Variants in KSR2 observed in about 807,000 individuals in gnomAD.
KSR2 encodes the protein kinase suppressor of ras 2.
In KSR2, 25 loss-of-function variants were observed where a neutral mutation model predicts 107.8. The ratio of observed to expected loss-of-function variants is 0.23; its 90% CI spans 0.17 to 0.32. The LOEUF (loss-of-function observed/expected upper bound fraction) is 0.32. Among genes scored for constraint, KSR2 ranks in the 10% least tolerant of loss-of-function variants. The pLI, the probability that KSR2 is intolerant of heterozygous loss-of-function variation, is 1.00. For synonymous variants in KSR2, 480 were observed against 507.0 expected, an observed-to-expected ratio of 0.95 and a Z score of 0.71; for missense variants, 887 against 1,268.9, an observed-to-expected ratio of 0.70 and a Z score of 4.57.
chr12:117,680,926 T>C (rs1885338669), intron 4 of KSR2, among the ~76,000 whole-genome samples: 2 of 152,160 alleles, frequency 1.3e-5, no homozygotes, highest in African/African-American at 4.8e-5. Flanking sequence ...GCTTATATCC[T>C]GATGGGGGAA....
rs926218311 is a variant in KSR2 at position 117,968,876 on chromosome 12, G to A, written c.-621C>T. 4.3e-6 allele frequency: 1 copy of A among 234,598 alleles called. No homozygotes were observed. The highest frequency in any genetic ancestry group is 8.4e-6 in the Non-Finnish European group (1 of 118,590). 14.5% of individuals were successfully genotyped at this position (234,598 alleles called of 1,614,324 possible). On this transcript the variant is annotated 5_prime_UTR_variant, in exon 1 of 20. Transcript: ENST00000339824. Reference sequence around the variant, plus strand: ...GCTGCGGCGGCTACTGCGGCTGGCTGCTGTCTCCTCCCCGCGCTGCTGCTG... The same window carrying A: ...GCTGCGGCGGCTACTGCGGCTGGCTACTGTCTCCTCCCCGCGCTGCTGCTG...
intron 4 of KSR2, among the ~76,000 whole-genome samples, chr12:117,700,879 T>A (rs1886274547): frequency 6.6e-6 from 1 of 152,154 alleles, no homozygotes; most frequent in South Asian, 2.1e-4. Flanking sequence ...AATAAATGAT[T>A]CCAGATGGTA....
intron 5 of KSR2, among the ~76,000 whole-genome samples, chr12:117,586,990 T>C (rs1047067256): frequency 6.6e-6 from 1 of 152,054 alleles, no homozygotes; most frequent in African/African-American, 2.4e-5. Flanking sequence ...AGTGACTGAG[T>C]TGGGATTTAA....
intron 4 of KSR2, among the ~76,000 whole-genome samples, chr12:117,721,623 TG>T (rs1475604434): frequency 6.6e-6 from 1 of 152,180 alleles, no homozygotes; most frequent in Non-Finnish European, 1.5e-5. Flanking sequence ...CGACCACTGC[TG>T]CCTCCTCCCC....
intron 5 of KSR2, among the ~76,000 whole-genome samples, chr12:117,666,949 G>A (rs1357111439): frequency 6.6e-6 from 1 of 152,182 alleles, no homozygotes; most frequent in African/African-American, 2.4e-5. Context: ...ATTCGTAAGA[G>A]CAGAAAGTAA....
chr12:117,901,453 C>T (rs896705750), intron 1 of KSR2, among the ~76,000 whole-genome samples: 1 of 151,872 alleles, frequency 6.6e-6, no homozygotes, highest in African/African-American at 2.4e-5. Context: ...CAGACGCCTG[C>T]CACCACATCC....
intron 5 of KSR2, among the ~76,000 whole-genome samples, chr12:117,633,987 A>C (rs1943294701): frequency 1.3e-5 from 2 of 152,156 alleles, no homozygotes; most frequent in South Asian, 4.1e-4. Flanking sequence ...TAATTTTGGA[A>C]CTATCTGGAT....
In KSR2 at chr12:117,463,983, G is replaced by T. The variant is rs954435741; in HGVS notation, c.*3216C>A. The stretch of plus-strand genomic sequence containing the variant: ...CAAGTGGATGGGGTGAGGATGGGGG[G>T]GTCCATGGCAAGATGAAAATTTTCT... On this transcript the variant is annotated 3_prime_UTR_variant, in exon 20 of 20. Coordinates refer to ENST00000339824, the MANE Select transcript of KSR2 (RefSeq NM_173598.6). 6.6e-6 allele frequency: 1 copy of T among 151,906 alleles called. No individual in the cohort carries two copies. Among genetic ancestry groups the T allele is most frequent in the Non-Finnish European group, 1.5e-5 (1 of 68,038 alleles). 9.4% of individuals were successfully genotyped at this position (151,906 alleles called of 1,614,324 possible).
At position 117,736,161 on chromosome 12, in the gene KSR2, A is replaced by G. The variant is rs919178687; in HGVS notation, c.986+24850T>C. 7.2e-5 allele frequency among the ~76,000 whole-genome samples: 11 copies of G among 152,182 alleles called. No homozygotes were observed. The South Asian group carries it at 1.7e-3, about 23-fold the overall frequency. On this transcript the variant is annotated intron_variant, in intron 4 of 19. Transcript: ENST00000339824. ...CATTTCTCTAGGCCCAGCCAACTCA[A>G]ATACATCCCACGGGGCCCTGTTAAA...
chr12:117,706,039 CTTTTTTTTTTT>C (rs35761064), intron 4 of KSR2, among the ~76,000 whole-genome samples: 1 of 114,710 alleles, frequency 8.7e-6, no homozygotes, highest in Non-Finnish European at 1.8e-5. Context: ...GTTGTTGGGT[CTTTTTTTTTTT>C]TTTTTTTTTT....
intron 3 of KSR2, among the ~76,000 whole-genome samples, chr12:117,815,022 T>A (rs895550894): frequency 7.9e-5 from 12 of 152,294 alleles, no homozygotes; most frequent in African/African-American, 2.2e-4. Flanking sequence ...CAGATGGCTC[T>A]TAAATATATG....
At chr12:117,547,713 C>G (rs1271922283) in intron 9 of KSR2, among the ~76,000 whole-genome samples, 1 of 152,054 alleles carries the variant, frequency 6.6e-6, no homozygotes, top group Non-Finnish European at 1.5e-5. Flanking sequence ...ATGGGGCAGG[C>G]TTTTGTTGGG....
chr12:117,901,121 A>G (rs1202748749), intron 1 of KSR2, among the ~76,000 whole-genome samples: 5 of 152,146 alleles, frequency 3.3e-5, no homozygotes, highest in African/African-American at 1.2e-4. Flanking sequence ...ATGGAAGGAG[A>G]GGAACCAGGG....
chr12:117,471,754 T>A (rs1871472255), intron 17 of KSR2, among the ~76,000 whole-genome samples: 1 of 152,180 alleles, frequency 6.6e-6, no homozygotes, highest in African/African-American at 2.4e-5. Context: ...AATGAAATGC[T>A]GTATTATTAT....
intron 4 of KSR2, among the ~76,000 whole-genome samples, chr12:117,672,932 T>G (rs1884974563): frequency 6.6e-6 from 1 of 152,170 alleles, no homozygotes; most frequent in African/African-American, 2.4e-5. Context: ...CCTGGTGATA[T>G]CCAACAAACT....
At chr12:117,545,500 A>T (rs1165896818) in intron 9 of KSR2, among the ~76,000 whole-genome samples, 2 of 152,162 alleles carry the variant, frequency 1.3e-5, no homozygotes, top group East Asian at 3.8e-4. Flanking sequence ...CAAATTATAC[A>T]TTTCATATTG....
chr12:117,855,341 C>T (rs1893063224), intron 3 of KSR2, 87 bp downstream of exon 3: 2 of 1,565,900 alleles, frequency 1.3e-6, no homozygotes, highest in African/African-American at 1.3e-5. Flanking sequence ...TCGTCCTGGC[C>T]TGCAGTGGCG....
Position 117,517,548 on chromosome 12 carries a change from T to C in KSR2, c.2219+7304A>G, listed in dbSNP as rs534632038. The stretch of plus-strand genomic sequence containing the variant: ...GAGGTCTTCAGCCATGCAAATCCTC[T>C]GCTGCTCATAGGATGGATTACACAG... On this transcript the variant is annotated intron_variant, in intron 14 of 19. Coordinates refer to ENST00000339824, the MANE Select transcript of KSR2 (RefSeq NM_173598.6). Among the ~76,000 whole-genome samples the C allele has an allele frequency of 2.6e-4, 39 of 152,312 alleles. No individual in the cohort carries two copies. The South Asian group carries it at 7.9e-3, about 31-fold the overall frequency.
At chr12:117,967,476 C>T (rs908988714) in intron 1 of KSR2, among the ~76,000 whole-genome samples, 1 of 151,978 alleles carries the variant, frequency 6.6e-6, no homozygotes, top group Non-Finnish European at 1.5e-5. Flanking sequence ...ATGGGTAGTT[C>T]CATAGGAATT....
Sources: allele counts gnomAD v4.1 joint callset (sites outside exome capture counted in the v4.1 genomes callset), GRCh38; gene constraint gnomAD v4.1.1; transcripts MANE v1.5; gene names NCBI Gene and HGNC (gene_info 2026-07-23, HGNC 2026-07-21).